Variants in ZNF260 observed in about 807,000 individuals in gnomAD.
ZNF260 encodes the protein zinc finger protein 260, also known as zfp-260.
Under a neutral mutation model 29.3 loss-of-function variants are expected in ZNF260, and 21 were observed. The ratio of observed to expected loss-of-function variants is 0.72; its 90% confidence interval spans 0.51 to 1.03. ZNF260 has a LOEUF of 1.03. ZNF260 is among the 50% of genes least tolerant of loss of function. The pLI is 0.00. For missense variants in ZNF260, 465 were observed against 487.8 expected, an observed-to-expected ratio of 0.95 and a Z score of 0.44; for synonymous variants, 156 against 156.8, an observed-to-expected ratio of 0.99 and a Z score of 0.04.
At position 36,512,131 on chromosome 19, in the gene ZNF260, A is replaced by G. The variant is rs1449702494; in HGVS notation, c.*1869T>C. The G allele has an allele frequency of 6.6e-6, 1 of 152,176 alleles. No homozygotes were observed. The highest frequency in any genetic ancestry group is 1.5e-5 in the Non-Finnish European group (1 of 68,028). 9.4% of individuals were successfully genotyped at this position (152,176 alleles called of 1,614,324 possible). On this transcript the variant is annotated 3_prime_UTR_variant, in exon 3 of 3. Coordinates refer to ENST00000523638, the MANE Select transcript of ZNF260 (RefSeq NM_001166037.2). Reference sequence around the variant, plus strand: ...TAACCTCCAAGACTATATACAGATTAGAACTACGTACAGATTATGTAAAAT... The same window carrying G: ...TAACCTCCAAGACTATATACAGATTGGAACTACGTACAGATTATGTAAAAT...
Position 36,515,194 on chromosome 19 carries a change from AAGG to A in ZNF260, c.42_44del (p.Leu15del), listed in dbSNP as rs2034530134. 4 of 1,605,482 alleles carry A rather than the reference AAGG, an allele frequency of 2.5e-6. No individual in the cohort carries two copies. The East Asian group carries it at 8.9e-5, about 36-fold the overall frequency. ...CTCCAGTATGAATTTGATCATGCTG[AAGG>A]AGATCTGATTCATGCTGAAGACTTT... On this transcript the variant is annotated inframe_deletion, in exon 3 of 3. Transcript: ENST00000523638.
Position 36,514,401 on chromosome 19 carries a change from C to G in ZNF260, c.838G>C (p.Glu280Gln), listed in dbSNP as rs752206231. The change falls in exon 3 of 3, where the codon GAA becomes CAA. Residue 280 changes from glutamate to glutamine, a missense_variant. Coordinates refer to ENST00000523638, the MANE Select transcript of ZNF260 (RefSeq NM_001166037.2). ...TTCTGCCTGAAGATTGTTCCACATTCATTACATTTGTAGGGTTTCTCTCCA... is the reference window on the plus strand; with the variant it reads ...TTCTGCCTGAAGATTGTTCCACATTGATTACATTTGTAGGGTTTCTCTCCA... ...HIGEKPYKCNECGTIFRQKQY... is the reference protein window; with the variant it reads ...HIGEKPYKCNQCGTIFRQKQY... 1.2e-6 allele frequency: 2 copies of G among 1,613,476 alleles called. No individual in the cohort carries two copies. The highest frequency in any genetic ancestry group is 1.7e-4 in the Middle Eastern group (1 of 6,060).
chr19:36,518,028 A>C (rs1423978512), intron 2 of ZNF260: 1 of 151,816 alleles, frequency 6.6e-6, no homozygotes, highest in African/African-American at 2.4e-5. Flanking sequence ...ACGGGGCTTC[A>C]CCATGTTGGC....
intron 2 of ZNF260, among the ~76,000 whole-genome samples, chr19:36,516,777 A>G (rs1009401597): frequency 6.6e-6 from 1 of 152,092 alleles, no homozygotes; most frequent in African/African-American, 2.4e-5. Context: ...ACGGGGTTTC[A>G]CCACGTTGGC....
intron 2 of ZNF260, among the ~76,000 whole-genome samples, chr19:36,519,495 C>T (rs141641233): frequency 2.0e-5 from 3 of 152,114 alleles, no homozygotes; most frequent in Admixed American, 6.5e-5. Flanking sequence ...CACTCTCAAC[C>T]TCTGAATTCA....
At position 36,511,206 on chromosome 19, in the gene ZNF260, GCT is replaced by G. The variant is rs2145734450; in HGVS notation, c.*2792_*2793del. 1 of 152,224 alleles carries G rather than the reference GCT, an allele frequency of 6.6e-6. No individual in the cohort carries two copies. The highest frequency in any genetic ancestry group is 2.1e-4 in the South Asian group (1 of 4,808). The allele number at this position is 152,224 out of a possible 1,614,324, so 9.4% of individuals were successfully genotyped here. A position where few individuals can be genotyped will look rare whatever the true frequency, so the allele number is the denominator to read the frequency against. On this transcript the variant is annotated 3_prime_UTR_variant, in exon 3 of 3. Coordinates refer to ENST00000523638, the MANE Select transcript of ZNF260 (RefSeq NM_001166037.2). ...TTTAAAATCAGTCTAAGGTTTTAAT[GCT>G]GTATACCCATTTTCATAATCATTCA... is the stretch of plus-strand genomic sequence containing the variant.
Position 36,513,775 on chromosome 19 carries a change from AC to A in ZNF260, c.*224del. ...ACTAGATCCTAACTTTAATGAGTAT[AC>A]TCCTAGAAGTACAGCATTGATAATG... On this transcript the variant is annotated 3_prime_UTR_variant, in exon 3 of 3. Coordinates refer to ENST00000523638, the MANE Select transcript of ZNF260 (RefSeq NM_001166037.2). The A allele has an allele frequency of 1.8e-6, 1 of 570,750 alleles. No homozygotes were observed. Among genetic ancestry groups the A allele is most frequent in the Non-Finnish European group, 3.1e-6 (1 of 324,400 alleles). The allele number at this position is 570,750 out of a possible 1,614,324, so 35.4% of individuals were successfully genotyped here.
chr19:36,517,021 G>A (rs192024249), intron 2 of ZNF260, among the ~76,000 whole-genome samples: 122 of 152,256 alleles, frequency 8.0e-4, no homozygotes, highest in Non-Finnish European at 1.4e-3. Flanking sequence ...ATGTCTTCCC[G>A]AAACACCATT....
chr19:36,516,619 C>T (rs763648287), intron 2 of ZNF260, among the ~76,000 whole-genome samples: 1 of 152,120 alleles, frequency 6.6e-6, no homozygotes, highest in South Asian at 2.1e-4. Flanking sequence ...TGCTCTGTCG[C>T]CCAGGCTGGA....
rs765554022 is a variant in ZNF260 at position 36,515,287 on chromosome 19, TA to T, written c.-50del. 62 of 1,468,936 alleles carry T rather than the reference TA, an allele frequency of 4.2e-5. 1 individual carries two copies. The highest frequency in any genetic ancestry group is 2.3e-4 in the South Asian group (16 of 68,350). The allele number at this position is 1,468,936 out of a possible 1,614,324, so 91.0% of individuals were successfully genotyped here. A position where few individuals can be genotyped will look rare whatever the true frequency, so the allele number is the denominator to read the frequency against. On this transcript the variant is annotated 5_prime_UTR_variant, in exon 3 of 3. An upstream open reading frame in the 5' UTR loses its in-frame stop. Coordinates refer to ENST00000523638, the MANE Select transcript of ZNF260 (RefSeq NM_001166037.2). ...TTCCCTAGTATCAAATAAGATGTAA[TA>T]AGGATGAAAGCTTTCCCACATTCAC...
intron 2 of ZNF260, among the ~76,000 whole-genome samples, chr19:36,521,782 G>A (rs1349053609): frequency 6.6e-6 from 1 of 150,970 alleles, no homozygotes; most frequent in Non-Finnish European, 1.5e-5. Context: ...GGGTGCGGTG[G>A]CTCACGCCTG....
At chr19:36,520,648 C>A (rs980341247) in intron 2 of ZNF260, among the ~76,000 whole-genome samples, 1 of 151,886 alleles carries the variant, frequency 6.6e-6, no homozygotes, top group Non-Finnish European at 1.5e-5. Flanking sequence ...GTCAGGAGAT[C>A]GAGACCACTC....
intron 1 of ZNF260, among the ~76,000 whole-genome samples, chr19:36,526,433 G>A (rs753292914): frequency 6.6e-6 from 1 of 152,070 alleles, no homozygotes; most frequent in Non-Finnish European, 1.5e-5. Flanking sequence ...TCAGCTACTT[G>A]GGAGGCTGAG....
rs2034512953 is a variant in ZNF260 at position 36,514,612 on chromosome 19, T to C, written c.627A>G (p.Ile209Met). 2 of 1,613,996 alleles carry C rather than the reference T, an allele frequency of 1.2e-6. No individual in the cohort carries two copies. Among genetic ancestry groups the C allele is most frequent in the Non-Finnish European group, 1.7e-6 (2 of 1,179,976 alleles). Residue 209 changes from isoleucine (I) to methionine (M), a missense_variant, in exon 3 of 3, where the codon ATA (isoleucine) becomes ATG (methionine). Transcript: ENST00000523638. ...KAFSQKENLI[I>M]HQRIHTGEKP... ...TCTCTCCAGTATGGATTCTCTGATG[T>C]ATAATGAGGTTTTCCTTCTGGCTAA...
At chr19:36,527,187 A>T (rs1241892595) in intron 1 of ZNF260, among the ~76,000 whole-genome samples, 5 of 152,202 alleles carry the variant, frequency 3.3e-5, no homozygotes. Context: ...TGGCAGTGTA[A>T]TGTTGTTGCT....
chr19:36,526,171 T>A (rs1339848537), intron 1 of ZNF260, among the ~76,000 whole-genome samples: 2 of 152,192 alleles, frequency 1.3e-5, no homozygotes, highest in African/African-American at 4.8e-5. Context: ...AATAATAATC[T>A]TCCCTTGATA....
chr19:36,519,351 AGTTAC>A (rs1333775402), intron 2 of ZNF260, among the ~76,000 whole-genome samples: 24 of 152,234 alleles, frequency 1.6e-4, no homozygotes, highest in African/African-American at 5.8e-4. Flanking sequence ...ACAGTGTTAT[AGTTAC>A]GTAAATGCTT....
intron 1 of ZNF260, among the ~76,000 whole-genome samples, chr19:36,526,463 C>A (rs1172471128): frequency 6.6e-6 from 1 of 152,082 alleles, no homozygotes; most frequent in Non-Finnish European, 1.5e-5. Context: ...TCGCTTGAAC[C>A]CAGGAGGCAG....
intron 2 of ZNF260, among the ~76,000 whole-genome samples, chr19:36,523,961 C>A (rs1351840459): frequency 2.0e-5 from 3 of 151,908 alleles, no homozygotes; most frequent in Non-Finnish European, 4.4e-5. Flanking sequence ...TGTTAAAAAG[C>A]AGGAGGTGAC....
Sources: gnomAD v4.1 joint callset for allele counts (sites outside exome capture counted in the v4.1 genomes callset) on GRCh38, gnomAD v4.1.1 for gene constraint, MANE v1.5 for transcripts, NCBI Gene and HGNC (gene_info 2026-07-23, HGNC 2026-07-21) for gene names.